Variants in MMP2 observed in about 807,000 individuals in gnomAD.
MMP2 encodes matrix metallopeptidase 2, also known as 72 kDa type IV collagenase.
A neutral mutation model predicts 74.8 loss-of-function variants in MMP2; 39 were observed. The ratio of observed to expected loss-of-function variants is 0.52; its 90% CI spans 0.40 to 0.68. The LOEUF (loss-of-function observed/expected upper bound fraction) is 0.68. Ranked by LOEUF, MMP2 falls within the 30% of genes least tolerant of loss-of-function variation. The pLI is 0.00. For missense variants in MMP2, 803 were observed against 878.3 expected, an observed-to-expected ratio of 0.91 and a Z score of 1.08; for synonymous variants, 367 against 339.8, an observed-to-expected ratio of 1.08 and a Z score of -0.88.
At chr16:55,494,217 A>G (rs1205713920) in intron 9 of MMP2, among the ~76,000 whole-genome samples, 1 of 152,228 alleles carries the variant, frequency 6.6e-6, no homozygotes, top group African/African-American at 2.4e-5. Context: ...TCTCTGGGTT[A>G]GAATTCTGTA....
intron 11 of MMP2, among the ~76,000 whole-genome samples, chr16:55,500,694 A>T (rs17859992): frequency 0.017 from 2,594 of 152,326 alleles, 34 homozygotes; most frequent in Middle Eastern, 0.058. Context: ...AAAGGGACAG[A>T]GCTGAAGGGC....
At chr16:55,488,266 C>T (rs1962306661) in intron 5 of MMP2, 5 of 493,952 alleles carry the variant, frequency 1.0e-5, no homozygotes, top group Non-Finnish European at 1.9e-5. Flanking sequence ...GGGGCTGAGG[C>T]AGGGTTCTAG....
At chr16:55,495,912 G>A (rs1171247555) in intron 9 of MMP2, among the ~76,000 whole-genome samples, 1 of 152,134 alleles carries the variant, frequency 6.6e-6, no homozygotes, top group Non-Finnish European at 1.5e-5. Context: ...CCCAGGAAGC[G>A]AGAGAGAAAG....
Position 55,488,631 on chromosome 16 carries a change from T to C in MMP2, c.921T>C (p.Thr307=). ...FQGTSYDSCT[T]EGRTDGYRWC... ...GCACATCCTATGACAGCTGCACCAC[T>C]GAGGGCCGCACGGATGGCTACCGCT... Residue 307 remains threonine, a synonymous_variant, in exon 6 of 13, where the codon ACT becomes ACC. Coordinates refer to ENST00000219070, the MANE Select transcript of MMP2 (RefSeq NM_004530.6). 1 of 1,613,854 alleles carries C rather than the reference T, an allele frequency of 6.2e-7. No individual in the cohort carries two copies. Among genetic ancestry groups the C allele is most frequent in the Non-Finnish European group, 8.5e-7 (1 of 1,179,922 alleles).
intron 1 of MMP2, 115 bp downstream of exon 1, chr16:55,479,747 T>C: frequency 7.4e-7 from 1 of 1,348,032 alleles, no homozygotes; most frequent in South Asian, 1.2e-5. Flanking sequence ...GGGAGGGGCT[T>C]CGGTAAACAG....
chr16:55,493,318 T>C (rs766002013), intron 9 of MMP2, 25 bp downstream of exon 9: 1 of 1,614,036 alleles, frequency 6.2e-7, no homozygotes, highest in Non-Finnish European at 8.5e-7. Context: ...TTGCTTCTTG[T>C]CCTCCTTGTC....
rs773250307 is a variant in MMP2, at chr16:55,483,034, C to T, written c.279C>T (p.Thr93=). 6.2e-7 allele frequency: 1 copy of T among 1,614,186 alleles called. No individual in the cohort carries two copies. The highest frequency in any genetic ancestry group is 2.2e-5 in the East Asian group (1 of 44,880). The change falls in exon 2 of 13, where the codon ACC becomes ACT. Residue 93 remains threonine, a synonymous_variant. Transcript: ENST00000219070. ...AGACAGGTGATCTTGACCAGAATAC[C>T]ATCGAGACCATGCGGAAGCCACGCT... ...LPQTGDLDQN[T]IETMRKPRCG...
chr16:55,483,483 A>T (rs1018746926), intron 2 of MMP2, among the ~76,000 whole-genome samples: 6 of 152,198 alleles, frequency 3.9e-5, no homozygotes, highest in African/African-American at 1.4e-4. Context: ...GAGTGTAGTA[A>T]TGCTAGTCAT....
chr16:55,488,337 C>G (rs1014412092), intron 5 of MMP2: 5 of 603,610 alleles, frequency 8.3e-6, no homozygotes, highest in Non-Finnish European at 1.5e-5. Context: ...CAAGGTCCCA[C>G]GGGAGGGATT....
Position 55,491,931 on chromosome 16 carries a change from C to T in MMP2, c.1311C>T (p.Asp437=), listed in dbSNP as rs1962416686. ...YTKNFRLSQD[D]IKGIQELYGA... is the part of the protein sequence containing the mutation. ...AGAACTTCCGTCTGTCCCAGGATGA[C>T]ATCAAGGGCATTCAGGAGCTCTATG... Residue 437 remains aspartate, a synonymous_variant, in exon 8 of 13, where the codon GAC becomes GAT. Coordinates refer to ENST00000219070, the MANE Select transcript of MMP2 (RefSeq NM_004530.6). 1.5e-5 allele frequency: 23 copies of T among 1,500,922 alleles called. No homozygotes were observed. The highest frequency in any genetic ancestry group is 2.1e-5 in the Non-Finnish European group (23 of 1,111,598). 93.0% of individuals were successfully genotyped at this position (1,500,922 alleles called of 1,614,324 possible). A position where few individuals can be genotyped will look rare whatever the true frequency, so the allele number is the denominator to read the frequency against.
At chr16:55,482,419 T>C (rs1390347759) in intron 1 of MMP2, among the ~76,000 whole-genome samples, 1 of 152,178 alleles carries the variant, frequency 6.6e-6, no homozygotes, top group Non-Finnish European at 1.5e-5. Context: ...GCAAGGTAGA[T>C]AAATGAGTTG....
At chr16:55,492,307 A>G (rs1035716508) in intron 8 of MMP2, among the ~76,000 whole-genome samples, 4 of 152,156 alleles carry the variant, frequency 2.6e-5, no homozygotes, top group Non-Finnish European at 5.9e-5. Context: ...CAAGTACAGG[A>G]CAGAATTTTC....
chr16:55,482,918 A>G lies in MMP2; in HGVS notation c.163A>G (p.Asn55Asp). 1 of 1,614,122 alleles carries G rather than the reference A, an allele frequency of 6.2e-7. No homozygotes were observed. Among genetic ancestry groups the G allele is most frequent in the South Asian group, 1.1e-5 (1 of 91,076 alleles). The part of the protein sequence containing the change: ...TDKELAVQYL[N>D]TFYGCPKESC... ...TGTGCATTTCTTTCAGCAATACCTGAACACCTTCTATGGCTGCCCCAAGGA... is the reference window on the plus strand; with the variant it reads ...TGTGCATTTCTTTCAGCAATACCTGGACACCTTCTATGGCTGCCCCAAGGA... The change falls in exon 2 of 13, where the codon AAC becomes GAC. Residue 55 changes from asparagine (N) to aspartate (D), a missense_variant. Coordinates refer to ENST00000219070, the MANE Select transcript of MMP2 (RefSeq NM_004530.6).
At chr16:55,482,564 C>T (rs1287334585) in intron 1 of MMP2, among the ~76,000 whole-genome samples, 1 of 152,198 alleles carries the variant, frequency 6.6e-6, no homozygotes, top group Non-Finnish European at 1.5e-5. Context: ...CCTCTCTGTG[C>T]TTCAGTTTCC....
chr16:55,485,808 C>T, intron 5 of MMP2, 31 bp downstream of exon 5: 3 of 1,608,286 alleles, frequency 1.9e-6, no homozygotes, highest in Non-Finnish European at 2.5e-6. Flanking sequence ...CCAAGACTTT[C>T]CACCCCAAGC....
Position 55,481,933 on chromosome 16 carries a change from G to A in MMP2, c.154-976G>A, listed in dbSNP as rs1228908244. ...TCTATTATATTATTATTATTGTTAT[G>A]TCCTCCATTTCCCCTTTCCTAACTA... On this transcript the variant is annotated intron_variant, in intron 1 of 12. Transcript: ENST00000219070. The A allele has an allele frequency of 1.1e-5, 7 of 665,478 alleles. No individual in the cohort carries two copies. In the Admixed American group the frequency reaches 1.1e-4, roughly 11 times the overall value. The allele number at this position is 665,478 out of a possible 1,614,324, so 41.2% of individuals were successfully genotyped here.
At chr16:55,500,494 T>TACACACACAC (rs55996787) in intron 11 of MMP2, among the ~76,000 whole-genome samples, 11,921 of 136,072 alleles carry the variant, frequency 0.088, 757 homozygotes, top group Non-Finnish European at 0.1. Flanking sequence ...CATGTGCGCA[T>TACACACACAC]ACACACACAC....
chr16:55,488,297 G>A, intron 5 of MMP2: 2 of 549,428 alleles, frequency 3.6e-6, no homozygotes, highest in South Asian at 2.0e-5. Context: ...TGTGTGCCAG[G>A]TGTCAATCAT....
At chr16:55,483,831 C>T (rs1029060443) in intron 2 of MMP2, among the ~76,000 whole-genome samples, 185 bp from the exon 3 acceptor site, 1 of 152,204 alleles carries the variant, frequency 6.6e-6, no homozygotes, top group East Asian at 1.9e-4. Context: ...CACATACACG[C>T]AGGCACATGC....
Sources: gnomAD v4.1 joint callset for allele counts (sites outside exome capture counted in the v4.1 genomes callset) on GRCh38, gnomAD v4.1.1 for gene constraint, MANE v1.5 for transcripts, NCBI Gene and HGNC (gene_info 2026-07-23, HGNC 2026-07-21) for gene names.